SEMA3A: variants seen among roughly 807,000 people sequenced by gnomAD.
SEMA3A encodes semaphorin-3A.
A neutral mutation model predicts 97.9 loss-of-function variants in SEMA3A; 29 were observed. The observed-to-expected ratio is 0.30, with a 90% CI of 0.22 to 0.40. SEMA3A has a LOEUF of 0.40. Ranked by LOEUF, SEMA3A falls within the 10% of genes least tolerant of loss-of-function variation. SEMA3A has a pLI of 1.00. For missense variants in SEMA3A, 763 were observed against 951.3 expected, an observed-to-expected ratio of 0.80 and a Z score of 2.60; for synonymous variants, 321 against 323.7, an observed-to-expected ratio of 0.99 and a Z score of 0.09.
intron 1 of SEMA3A, among the ~76,000 whole-genome samples, chr7:84,399,507 C>G (rs1803838802): frequency 6.6e-6 from 1 of 151,644 alleles, no homozygotes. Context: ...GCACTGTAGA[C>G]AGAGACTCCT....
Position 84,425,407 on chromosome 7 carries a change from A to G in SEMA3A, c.-245-53507T>C, listed in dbSNP as rs1425435897. ...ATGCATATAATATATTCACATAAAT[A>G]TATGCCTATATTTATATGAATATAA... On this transcript the variant is annotated intron_variant, in intron 1 of 3. Transcript: ENST00000424555. 4.5e-5 allele frequency among the ~76,000 whole-genome samples: 6 copies of G among 133,216 alleles called. No homozygotes were observed. In the South Asian group the frequency reaches 8.9e-4, roughly 20 times the overall value. The allele number at this position is 133,216 out of a possible 152,430, so 87.4% of individuals were successfully genotyped here.
intron 1 of SEMA3A, among the ~76,000 whole-genome samples, chr7:84,470,269 G>A (rs1254956100): frequency 1.3e-5 from 2 of 151,926 alleles, no homozygotes; most frequent in African/African-American, 4.8e-5. Flanking sequence ...AAGGAGAAGT[G>A]TTTTCCTTCA....
intron 4 of SEMA3A, among the ~76,000 whole-genome samples, chr7:84,093,910 T>C (rs1362832171): frequency 1.5e-5 from 2 of 131,976 alleles, no homozygotes; most frequent in East Asian, 4.6e-4. Context: ...AACCTGCACA[T>C]GCATCCTAGA....
chr7:84,200,897 C>T (rs956251060), intron 3 of SEMA3A, among the ~76,000 whole-genome samples: 3 of 150,022 alleles, frequency 2.0e-5, no homozygotes, highest in Non-Finnish European at 4.4e-5. Context: ...CTGATCAGTA[C>T]AGGCTAGGCA....
At chr7:84,359,510 G>A (rs2116057398) in intron 2 of SEMA3A, among the ~76,000 whole-genome samples, 1 of 152,164 alleles carries the variant, frequency 6.6e-6, no homozygotes, top group South Asian at 2.1e-4. Context: ...TGGTGGATAA[G>A]CTTTTTGATG....
At chr7:83,981,556 T>G (rs1463460317) in intron 13 of SEMA3A, 78 bp from the exon 14 acceptor site, 3 of 1,175,046 alleles carry the variant, frequency 2.6e-6, no homozygotes, top group South Asian at 2.0e-5. Flanking sequence ...AGAGTTTATT[T>G]ATATATAACT....
intron 6 of SEMA3A, among the ~76,000 whole-genome samples, chr7:84,044,619 A>C (rs1792277280): frequency 6.6e-6 from 1 of 152,040 alleles, no homozygotes; most frequent in Admixed American, 6.6e-5. Context: ...AAAGTAATAG[A>C]AAATCATTAG....
intron 2 of SEMA3A, among the ~76,000 whole-genome samples, chr7:84,315,789 T>C (rs983489583): frequency 2.0e-5 from 3 of 152,240 alleles, no homozygotes; most frequent in Non-Finnish European, 2.9e-5. Context: ...CTAGGTTTTA[T>C]ATTAAGATGT....
chr7:84,471,190 T>C (rs944590528), intron 1 of SEMA3A, among the ~76,000 whole-genome samples: 2 of 152,124 alleles, frequency 1.3e-5, no homozygotes, highest in Non-Finnish European at 2.9e-5. Flanking sequence ...TCCTTGATCA[T>C]AAGCATTAAT....
intron 2 of SEMA3A, among the ~76,000 whole-genome samples, chr7:84,357,972 T>C (rs1584262065): frequency 6.6e-6 from 1 of 152,208 alleles, no homozygotes. Context: ...CACCCACTTG[T>C]TGATGGGGTT....
At chr7:84,091,254 C>G (rs371222201) in intron 4 of SEMA3A, among the ~76,000 whole-genome samples, 3 of 58,204 alleles carry the variant, frequency 5.2e-5, no homozygotes, top group African/African-American at 1.2e-4. Flanking sequence ...AAGGAAAGAA[C>G]GAAGGAAAGA....
intron 4 of SEMA3A, among the ~76,000 whole-genome samples, chr7:84,081,580 G>T (rs1794163445): frequency 7.1e-6 from 1 of 141,338 alleles, no homozygotes; most frequent in African/African-American, 2.6e-5. Context: ...GCGACAGAGC[G>T]AGACTCCGTC....
intron 3 of SEMA3A, among the ~76,000 whole-genome samples, chr7:84,268,698 C>T (rs1800072119): frequency 6.6e-6 from 1 of 152,094 alleles, no homozygotes; most frequent in South Asian, 2.1e-4. Context: ...GATAGAATGT[C>T]AGAATGGAAG....
intron 4 of SEMA3A, among the ~76,000 whole-genome samples, chr7:84,089,229 T>C (rs906746536): frequency 6.6e-6 from 1 of 152,210 alleles, no homozygotes; most frequent in African/African-American, 2.4e-5. Context: ...ATAACCGTTC[T>C]GTTTAGTAGT....
intron 1 of SEMA3A, among the ~76,000 whole-genome samples, chr7:84,375,800 A>C (rs185600205): frequency 2.7e-4 from 41 of 152,276 alleles, no homozygotes; most frequent in African/African-American, 9.4e-4. Context: ...TCTCATATTT[A>C]GTTCCAGTTT....
At chr7:84,366,998 C>A (rs1043665747) in intron 2 of SEMA3A, among the ~76,000 whole-genome samples, 2 of 149,918 alleles carry the variant, frequency 1.3e-5, no homozygotes, top group East Asian at 2.0e-4. Flanking sequence ...AAAAAAAAAA[C>A]CTTAATTTTT....
chr7:84,017,637 T>C (rs1343937633), intron 6 of SEMA3A, among the ~76,000 whole-genome samples: 1 of 152,230 alleles, frequency 6.6e-6, no homozygotes, highest in Non-Finnish European at 1.5e-5. Context: ...GCCATTCTTC[T>C]AATGTTTCAC....
intron 2 of SEMA3A, among the ~76,000 whole-genome samples, chr7:84,313,172 G>A (rs944621882): frequency 2.8e-5 from 4 of 144,520 alleles, no homozygotes; most frequent in Non-Finnish European, 6.1e-5. Flanking sequence ...GAAATTATTG[G>A]AAAGACTTAA....
chr7:84,163,410 A>G (rs1797104204), intron 1 of SEMA3A, among the ~76,000 whole-genome samples: 1 of 152,114 alleles, frequency 6.6e-6, no homozygotes. Flanking sequence ...AAAAGAAACC[A>G]ACTGTCCTTA....
Sources: gnomAD v4.1 joint callset for allele counts (sites outside exome capture counted in the v4.1 genomes callset) on GRCh38, gnomAD v4.1.1 for gene constraint, MANE v1.5 for transcripts, NCBI Gene and HGNC (gene_info 2026-07-23, HGNC 2026-07-21) for gene names.